Variants in SLC7A2 observed in about 807,000 individuals in gnomAD.
SLC7A2 encodes the protein solute carrier family 7 member 2, also known as cationic amino acid transporter 2.
Under a neutral mutation model 58.9 loss-of-function variants are expected in SLC7A2, and 48 were observed. The observed-to-expected ratio is 0.82, with a 90% CI of 0.65 to 1.04. The LOEUF is 1.04. SLC7A2 is among the 50% of genes least tolerant of loss of function. The pLI is 0.00. For synonymous variants in SLC7A2, 363 were observed against 314.5 expected, an observed-to-expected ratio of 1.15 and a Z score of -1.63; for missense variants, 1,029 against 818.8, an observed-to-expected ratio of 1.26 and a Z score of -3.13.
chr8:17,543,447 C>G lies in SLC7A2; in HGVS notation c.108C>G (p.Thr36=). 6.2e-7 allele frequency: 1 copy of G among 1,614,208 alleles called. No homozygotes were observed. The change falls in exon 3 of 13, where the codon ACC becomes ACG. Residue 36 remains threonine (T), a synonymous_variant. Transcript: ENST00000494857. ...CCAAATTATGCCGCTGCTTATCCAC[C>G]ATGGACCTCATTGCCCTGGGCGTTG... ...EDTKLCRCLS[T]MDLIALGVGS... is the part of the protein sequence containing the mutation.
intron 2 of SLC7A2, among the ~76,000 whole-genome samples, chr8:17,529,725 G>A (rs963395638): frequency 6.6e-6 from 1 of 151,960 alleles, no homozygotes; most frequent in South Asian, 2.1e-4. Flanking sequence ...AGTAACGATG[G>A]GGTTTTACAC....
chr8:17,560,461 A>C lies in SLC7A2; in HGVS notation c.1432A>C (p.Thr478Pro). 6.2e-7 allele frequency: 1 copy of C among 1,613,830 alleles called. No individual in the cohort carries two copies. Among genetic ancestry groups the C allele is most frequent in the Non-Finnish European group, 8.5e-7 (1 of 1,179,902 alleles). The change falls in exon 10 of 13, where the codon ACC becomes CCC. Residue 478 changes from threonine (T) to proline (P), a missense_variant. Coordinates refer to ENST00000494857, the MANE Select transcript of SLC7A2 (RefSeq NM_001370338.1). Reference protein sequence around the residue: ...MLQRQGFSMRTLFCPSLLPTQ... With the variant: ...MLQRQGFSMRPLFCPSLLPTQ... ...GCAGAGACAGGGCTTCAGCATGCGG[A>C]CCCTCTTCTGCCCCTCCCTTCTGCC...
At chr8:17,548,221 G>A (rs1191912382) in intron 4 of SLC7A2, among the ~76,000 whole-genome samples, 3 of 152,144 alleles carry the variant, frequency 2.0e-5, no homozygotes, top group African/African-American at 7.2e-5. Context: ...CACACCTGTA[G>A]TCCCAGCTAC....
In SLC7A2 at chr8:17,567,663, A is replaced by C. The variant is rs993198444; in HGVS notation, c.*2517A>C. On this transcript the variant is annotated 3_prime_UTR_variant, in exon 13 of 13. Transcript: ENST00000494857. ...ATGTCATTAGGTGGGTACAAAACCC[A>C]ACTGATGTGGAGAAAAATTGATGTT... The C allele has an allele frequency of 6.6e-6, 1 of 152,624 alleles. No homozygotes were observed. The highest frequency in any genetic ancestry group is 2.4e-5 in the African/African-American group (1 of 41,452). 9.5% of individuals were successfully genotyped at this position (152,624 alleles called of 1,614,324 possible).
intron 1 of SLC7A2, 139 bp from the exon 2 acceptor site, chr8:17,502,118 T>G (rs1585174977): frequency 6.6e-6 from 1 of 151,434 alleles, no homozygotes; most frequent in African/African-American, 2.4e-5. Flanking sequence ...TATATATACG[T>G]ATATATATGT....
At chr8:17,517,836 C>T (rs979630457) in intron 2 of SLC7A2, among the ~76,000 whole-genome samples, 2 of 151,988 alleles carry the variant, frequency 1.3e-5, no homozygotes, top group African/African-American at 4.8e-5. Context: ...CTGCCGAGAG[C>T]CTGGGAACTG....
At chr8:17,530,315 G>A (rs570703520) in intron 2 of SLC7A2, among the ~76,000 whole-genome samples, 3 of 152,202 alleles carry the variant, frequency 2.0e-5, no homozygotes, top group Non-Finnish European at 4.4e-5. Context: ...GACAGAGGGA[G>A]AGGGCAAGGG....
chr8:17,560,434 C>T lies in SLC7A2; in HGVS notation c.1405C>T (p.Leu469=), dbSNP rs754203839. Residue 469 remains leucine, a synonymous_variant, in exon 10 of 13, where the codon CTG becomes TTG. Coordinates refer to ENST00000494857, the MANE Select transcript of SLC7A2 (RefSeq NM_001370338.1). ...TSKSESQVTM[L]QRQGFSMRTL... ...GAAGAGTGAGTCCCAGGTCACCATG[C>T]TGCAGAGACAGGGCTTCAGCATGCG... 7 of 1,614,092 alleles carry T rather than the reference C, an allele frequency of 4.3e-6. No individual in the cohort carries two copies. The highest frequency in any genetic ancestry group is 1.7e-5 in the Admixed American group (1 of 60,016).
chr8:17,498,417 G>C (rs767940670), intron 1 of SLC7A2, among the ~76,000 whole-genome samples: 19 of 152,230 alleles, frequency 1.2e-4, no homozygotes, highest in Non-Finnish European at 2.4e-4. Context: ...TTCTCTAGGA[G>C]ATGTATAAGA....
At chr8:17,520,242 A>C (rs1800960627) in intron 2 of SLC7A2, among the ~76,000 whole-genome samples, 2 of 152,176 alleles carry the variant, frequency 1.3e-5, no homozygotes, top group Non-Finnish European at 2.9e-5. Flanking sequence ...TTCCAACTAT[A>C]TTTTAAGACA....
chr8:17,545,540 G>T (rs1802128813), intron 4 of SLC7A2, among the ~76,000 whole-genome samples: 2 of 150,974 alleles, frequency 1.3e-5, no homozygotes, highest in African/African-American at 4.9e-5. Flanking sequence ...TGGGACTACA[G>T]GTGCGCGCCA....
intron 2 of SLC7A2, among the ~76,000 whole-genome samples, chr8:17,531,854 A>G (rs571253351): frequency 6.6e-6 from 1 of 152,270 alleles, no homozygotes; most frequent in South Asian, 2.1e-4. Flanking sequence ...TGGACTTCTA[A>G]TTGATTTTAG....
At chr8:17,517,045 G>A (rs1800831731) in intron 2 of SLC7A2, among the ~76,000 whole-genome samples, 1 of 152,124 alleles carries the variant, frequency 6.6e-6, no homozygotes, top group Non-Finnish European at 1.5e-5. Flanking sequence ...AAGGCATTAA[G>A]GTGGGAATTC....
At chr8:17,537,965 A>T (rs1329877642) in intron 2 of SLC7A2, among the ~76,000 whole-genome samples, 1 of 152,180 alleles carries the variant, frequency 6.6e-6, no homozygotes, top group Non-Finnish European at 1.5e-5. Context: ...TCTTTGAGCT[A>T]ACTAGGTATG....
intron 2 of SLC7A2, among the ~76,000 whole-genome samples, chr8:17,532,625 C>G (rs1347976328): frequency 6.6e-6 from 1 of 151,962 alleles, no homozygotes; most frequent in East Asian, 1.9e-4. Context: ...AAAATTAAAA[C>G]AAAGTCTGGA....
intron 2 of SLC7A2, among the ~76,000 whole-genome samples, chr8:17,542,657 A>AAAAG (rs1563463530): frequency 3.7e-4 from 55 of 149,892 alleles, no homozygotes; most frequent in Non-Finnish European, 4.9e-4. Context: ...TCTCAAAAAA[A>AAAAG]AAAGAAAAAG....
chr8:17,547,252 G>A (rs1279481708), intron 4 of SLC7A2, among the ~76,000 whole-genome samples: 3 of 152,048 alleles, frequency 2.0e-5, no homozygotes, highest in East Asian at 1.9e-4. Context: ...AACGTCTCAC[G>A]GGGTGTCAGG....
intron 2 of SLC7A2, among the ~76,000 whole-genome samples, chr8:17,531,370 G>A (rs887461203): frequency 2.6e-5 from 4 of 152,128 alleles, no homozygotes; most frequent in African/African-American, 9.7e-5. Flanking sequence ...TCGTTTTGGG[G>A]TAACAAAAGA....
intron 11 of SLC7A2, among the ~76,000 whole-genome samples, chr8:17,563,062 G>A (rs1803095781): frequency 6.6e-6 from 1 of 152,186 alleles, no homozygotes; most frequent in Non-Finnish European, 1.5e-5. Context: ...AGGATCACTG[G>A]AACCCAGGAG....
Sources: gnomAD v4.1 joint callset for allele counts (sites outside exome capture counted in the v4.1 genomes callset) on GRCh38, gnomAD v4.1.1 for gene constraint, MANE v1.5 for transcripts, NCBI Gene and HGNC (gene_info 2026-07-23, HGNC 2026-07-21) for gene names.